RGS7: variants seen among roughly 807,000 people sequenced by gnomAD.
RGS7 encodes the protein regulator of G protein signaling 7.
RGS7 carries 27 observed loss-of-function variants against 81.1 expected under a neutral mutation model. The observed-to-expected ratio is 0.33, with a 90% CI of 0.25 to 0.46. The LOEUF (loss-of-function observed/expected upper bound fraction) is 0.46. Among genes scored for constraint, RGS7 ranks in the 20% least tolerant of loss-of-function variants. RGS7 has a pLI of 1.00. For missense variants in RGS7, 396 were observed against 607.4 expected (o/e 0.65, Z 3.66); for synonymous variants, 208 against 207.7 (o/e 1.00, Z -0.01).
chr1:241,017,907 T>A (rs910687682), intron 3 of RGS7, among the ~76,000 whole-genome samples: 16 of 152,136 alleles, frequency 1.1e-4, no homozygotes, highest in African/African-American at 3.4e-4. Context: ...TTCCTGTCTG[T>A]TAATTCCAAC....
At chr1:240,876,657 G>A (rs957789077) in intron 6 of RGS7, among the ~76,000 whole-genome samples, 4 of 152,240 alleles carry the variant, frequency 2.6e-5, no homozygotes, top group South Asian at 2.1e-4. Context: ...GAGTAATAAA[G>A]CCTTAAAACA....
intron 2 of RGS7, among the ~76,000 whole-genome samples, chr1:241,193,709 A>G (rs2072863011): frequency 6.6e-6 from 1 of 152,228 alleles, no homozygotes; most frequent in Admixed American, 6.5e-5. Flanking sequence ...AACAGGCAGT[A>G]CACAAACACT....
At position 240,823,407 on chromosome 1, in the gene RGS7, C is replaced by G. The variant is rs1368889316; in HGVS notation, c.684+3691G>C. 9 of 406,940 alleles carry G rather than the reference C, an allele frequency of 2.2e-5. No individual in the cohort carries two copies. In the East Asian group the frequency reaches 4.9e-4, roughly 22 times the overall value. The allele number at this position is 406,940 out of a possible 1,614,324, so 25.2% of individuals were successfully genotyped here. ...GGCCGAAGCCCCGCACCACTTGGGC[C>G]CGGCAGAGGCAGGGCAGATGCCTCA... On this transcript the variant is annotated intron_variant, in intron 10 of 18. Transcript: ENST00000440928.
chr1:241,234,078 TTACCTCATCCTAGAAGCCTTTCCCG>T (rs1156689866), intron 2 of RGS7, among the ~76,000 whole-genome samples: 1 of 152,238 alleles, frequency 6.6e-6, no homozygotes, highest in Non-Finnish European at 1.5e-5. Context: ...AGTTTATGCA[TTACCTCATCCTAGAAGCCTTTCCCG>T]TTTTCTCTCT....
chr1:240,942,108 A>G (rs1410842750), intron 4 of RGS7, among the ~76,000 whole-genome samples: 1 of 152,144 alleles, frequency 6.6e-6, no homozygotes, highest in African/African-American at 2.4e-5. Context: ...TAAGCCTGAT[A>G]CCAACATAGG....
chr1:240,989,546 C>T lies in RGS7; in HGVS notation c.176-6417G>A, dbSNP rs369448882. 1.2e-4 allele frequency among the ~76,000 whole-genome samples: 18 copies of T among 152,210 alleles called. 1 individual carries two copies. Among genetic ancestry groups the T allele is most frequent in the Admixed American group, 3.9e-4 (6 of 15,286 alleles). ...TCTCCATGACTACCAATGCCAAAAT[C>T]CTGTAATAGATTCTTCCTAAAACCC... On this transcript the variant is annotated intron_variant, in intron 3 of 18. Transcript: ENST00000440928.
rs555639994 is a variant in RGS7 at position 240,868,399 on chromosome 1, AT to A, written c.609+187del. ...GGTGGGAAAATGCATGGTTTTATAA[AT>A]TAAATACGATGCTATTGAGGTCTAG... On this transcript the variant is annotated intron_variant, in intron 9 of 18. Coordinates refer to ENST00000440928, the MANE Select transcript of RGS7 (RefSeq NM_001364886.1). The surrounding 1 kb of genome is among the most constrained non-coding windows in gnomAD (Gnocchi z 5.1). Among the ~76,000 whole-genome samples, 55 of 152,336 alleles carry A rather than the reference AT, an allele frequency of 3.6e-4. No homozygotes were observed. The highest frequency in any genetic ancestry group is 3.4e-3 in the Middle Eastern group (1 of 294).
chr1:241,243,262 G>A (rs943149117), intron 2 of RGS7, among the ~76,000 whole-genome samples: 1 of 152,126 alleles, frequency 6.6e-6, no homozygotes, highest in East Asian at 1.9e-4. Context: ...AAGTCACCAG[G>A]AATGAAGAAT....
intron 2 of RGS7, among the ~76,000 whole-genome samples, chr1:241,253,898 C>A (rs1473760485): frequency 6.6e-6 from 1 of 152,062 alleles, no homozygotes; most frequent in African/African-American, 2.4e-5. Context: ...ATGTCCCATT[C>A]TAGAAGGACA....
At chr1:240,813,389 T>C (rs1462761277) in intron 13 of RGS7, among the ~76,000 whole-genome samples, 1 of 152,230 alleles carries the variant, frequency 6.6e-6, no homozygotes, top group East Asian at 1.9e-4. Context: ...CCTCTAATTT[T>C]GGGACGGTCT....
intron 18 of RGS7, among the ~76,000 whole-genome samples, chr1:240,786,989 A>C (rs1375827609): frequency 1.3e-5 from 2 of 152,104 alleles, no homozygotes; most frequent in African/African-American, 4.8e-5. Context: ...GAGATTTTTG[A>C]CCTTCTGGCA....
intron 6 of RGS7, among the ~76,000 whole-genome samples, chr1:240,887,610 G>A (rs1437004107): frequency 1.3e-5 from 2 of 152,132 alleles, no homozygotes; most frequent in African/African-American, 4.8e-5. Context: ...TCTCTTCCTT[G>A]TAGAACTGCA....
intron 2 of RGS7, among the ~76,000 whole-genome samples, chr1:241,101,116 CT>C (rs2064704328): frequency 6.6e-6 from 1 of 152,166 alleles, no homozygotes; most frequent in African/African-American, 2.4e-5. Flanking sequence ...TCCATAATAC[CT>C]TTATCAGCAA....
intron 2 of RGS7, among the ~76,000 whole-genome samples, chr1:241,232,674 G>GAAA (rs74259978): frequency 7.4e-6 from 1 of 135,804 alleles, no homozygotes; most frequent in Non-Finnish European, 1.6e-5. Flanking sequence ...TCAATTTCTG[G>GAAA]AAAAAAAAAA....
At chr1:241,010,542 T>C (rs1381755274) in intron 3 of RGS7, among the ~76,000 whole-genome samples, 1 of 152,340 alleles carries the variant, frequency 6.6e-6, no homozygotes, top group South Asian at 2.1e-4. Context: ...GTTTGTAACA[T>C]GCCAAGAATG....
chr1:240,992,786 C>T (rs755102748), intron 3 of RGS7, among the ~76,000 whole-genome samples: 2 of 149,292 alleles, frequency 1.3e-5, no homozygotes, highest in Non-Finnish European at 3.0e-5. Flanking sequence ...TGAATGATCA[C>T]GAGGTCAGGA....
intron 9 of RGS7, among the ~76,000 whole-genome samples, chr1:240,853,900 CAAAAAAA>C (rs35471716): frequency 1.1e-3 from 24 of 22,256 alleles, no homozygotes; most frequent in South Asian, 4.1e-3. Flanking sequence ...GACTCCGTCT[CAAAAAAA>C]AAAAAAAAAA....
In RGS7 at chr1:241,158,153, T is replaced by C. The variant is rs1030920605; in HGVS notation, c.79-59391A>G. ...AACTTTTATTAGGACACAGCCATGC[T>C]AATTCATTTACATATTGTCTATAGC... On this transcript the variant is annotated intron_variant, in intron 2 of 18. Coordinates refer to ENST00000440928, the MANE Select transcript of RGS7 (RefSeq NM_001364886.1). Among the ~76,000 whole-genome samples the C allele has an allele frequency of 1.1e-4, 17 of 152,304 alleles. 1 individual carries two copies. In the Middle Eastern group the frequency reaches 0.01, roughly 91 times the overall value.
At chr1:241,313,244 A>G (rs535517513) in intron 2 of RGS7, among the ~76,000 whole-genome samples, 1 of 152,368 alleles carries the variant, frequency 6.6e-6, no homozygotes, top group African/African-American at 2.4e-5. Context: ...AGGTAGTTAC[A>G]CTAAATAATA....
Sources: allele counts gnomAD v4.1 joint callset (sites outside exome capture counted in the v4.1 genomes callset), GRCh38; gene constraint gnomAD v4.1.1; non-coding constraint Gnocchi (gnomAD v3.1); transcripts MANE v1.5; gene names NCBI Gene and HGNC (gene_info 2026-07-23, HGNC 2026-07-21).